Variants in TSNARE1 observed in about 807,000 individuals in gnomAD.
TSNARE1 encodes t-SNARE domain-containing protein 1.
A neutral mutation model predicts 62.0 loss-of-function variants in TSNARE1; 49 were observed. That is an observed-to-expected ratio of 0.79 (90% CI 0.63 to 1.00). The LOEUF (loss-of-function observed/expected upper bound fraction) is 1.00, where lower values mean the gene tolerates loss of function less well. Among genes scored for constraint, TSNARE1 ranks in the 50% least tolerant of loss-of-function variants. The pLI is 0.00. For missense variants in TSNARE1, 755 were observed against 700.1 expected (o/e 1.08, Z -0.88); for synonymous variants, 328 against 294.4 (o/e 1.11, Z -1.17).
intron 12 of TSNARE1, among the ~76,000 whole-genome samples, chr8:142,246,195 G>A (rs1817878022): frequency 6.6e-6 from 1 of 152,094 alleles, no homozygotes; most frequent in South Asian, 2.1e-4. Context: ...GCCAGCCCTG[G>A]GAGGGCAGAG....
intron 1 of TSNARE1, among the ~76,000 whole-genome samples, chr8:142,393,814 C>G (rs1837712454): frequency 6.6e-6 from 1 of 152,200 alleles, no homozygotes; most frequent in Admixed American, 6.5e-5. Context: ...AGCTGCCTGG[C>G]TACGTGCTGG....
chr8:142,332,141 C>G (rs1831145648), intron 4 of TSNARE1, among the ~76,000 whole-genome samples: 1 of 152,236 alleles, frequency 6.6e-6, no homozygotes, highest in African/African-American at 2.4e-5. Context: ...CTACGAGCAC[C>G]TGCACGTGGA....
intron 1 of TSNARE1, among the ~76,000 whole-genome samples, chr8:142,396,395 G>A (rs1310774033): frequency 1.3e-5 from 2 of 151,998 alleles, no homozygotes; most frequent in Non-Finnish European, 1.5e-5. Context: ...CTTGAGCTCC[G>A]CCCACCTCCC....
Position 142,239,284 on chromosome 8 carries a change from C to T in TSNARE1, c.1447-9705G>A, listed in dbSNP as rs111716736. ...CCTCCTTTCTGCAGAAGAAGGTGGCCGGGGGCAGCCACGCCCTTTCCACAA... is the reference window on the plus strand; with the variant it reads ...CCTCCTTTCTGCAGAAGAAGGTGGCTGGGGGCAGCCACGCCCTTTCCACAA... On this transcript the variant is annotated intron_variant, in intron 12 of 13. Transcript: ENST00000524325. Among the ~76,000 whole-genome samples, 427 of 152,260 alleles carry T rather than the reference C, an allele frequency of 2.8e-3. 1 individual carries two copies. The highest frequency in any genetic ancestry group is 0.016 in the East Asian group (82 of 5,162).
intron 12 of TSNARE1, chr8:142,271,302 G>A (rs968568552): frequency 4.5e-5 from 49 of 1,097,132 alleles, no homozygotes; most frequent in Non-Finnish European, 5.0e-5. Flanking sequence ...TCGGCCAGAC[G>A]CTGGCTCTGC....
At chr8:142,220,390 T>G (rs1157701909) in intron 13 of TSNARE1, among the ~76,000 whole-genome samples, 2 of 152,078 alleles carry the variant, frequency 1.3e-5, no homozygotes, top group African/African-American at 4.8e-5. Context: ...GCGGTGGTCC[T>G]CAGGGCAAAC....
intron 12 of TSNARE1, among the ~76,000 whole-genome samples, chr8:142,251,478 G>A (rs1463135090): frequency 6.6e-6 from 1 of 152,152 alleles, no homozygotes; most frequent in African/African-American, 2.4e-5. Flanking sequence ...GGGCCCACGA[G>A]CAGCTCAGGG....
intron 10 of TSNARE1, among the ~76,000 whole-genome samples, chr8:142,299,750 A>G (rs1342706655): frequency 6.6e-6 from 1 of 151,572 alleles, no homozygotes. Context: ...GCACACACAC[A>G]TGCATACGTG....
At chr8:142,335,084 GTCA>G (rs1400856541) in intron 4 of TSNARE1, among the ~76,000 whole-genome samples, 6 of 152,332 alleles carry the variant, frequency 3.9e-5, no homozygotes, top group African/African-American at 1.4e-4. Flanking sequence ...ATGTGCCGGG[GTCA>G]TCATGTGTTA....
chr8:142,296,354 ACTCATGGGGGAAG>A, intron 10 of TSNARE1, among the ~76,000 whole-genome samples: 2 of 61,406 alleles, frequency 3.3e-5, no homozygotes, highest in African/African-American at 1.5e-4. Context: ...GGCGGTGGTC[ACTCATGGGGGAAG>A]GGTGGTCACT....
chr8:142,275,027 C>T (rs1249398795), intron 11 of TSNARE1, 164 bp from the exon 12 acceptor site: 63 of 985,292 alleles, frequency 6.4e-5, no homozygotes, highest in Non-Finnish European at 7.2e-5. Flanking sequence ...GAGGGCTCCG[C>T]GTGGTGTGGG....
chr8:142,217,403 C>A (rs767240120), intron 13 of TSNARE1, among the ~76,000 whole-genome samples: 1 of 151,820 alleles, frequency 6.6e-6, no homozygotes, highest in Non-Finnish European at 1.5e-5. Context: ...AGCAAGCAAG[C>A]AACGGCGTAA....
chr8:142,278,656 AGCTGCGGGCT>A (rs1183695002), intron 11 of TSNARE1: 1 of 985,338 alleles, frequency 1.0e-6, no homozygotes, highest in African/African-American at 1.7e-5. Context: ...AGCCAGTGGC[AGCTGCGGGCT>A]GCAGACGAGG....
intron 12 of TSNARE1, among the ~76,000 whole-genome samples, chr8:142,253,780 C>G (rs1270708059): frequency 6.6e-6 from 1 of 152,230 alleles, no homozygotes; most frequent in Non-Finnish European, 1.5e-5. Flanking sequence ...TCAGTGGGAA[C>G]GCGTAGCCAG....
intron 12 of TSNARE1, among the ~76,000 whole-genome samples, chr8:142,255,482 C>T (rs1431303336): frequency 0.1 from 1,837 of 17,530 alleles, 460 homozygotes; most frequent in Admixed American, 0.18. Context: ...ACCACCATCA[C>T]CATCATCATC....
In TSNARE1 at chr8:142,317,081, G is replaced by T. The variant is rs530422717; in HGVS notation, c.984+1463C>A. Among the ~76,000 whole-genome samples the T allele has an allele frequency of 4.6e-5, 7 of 151,930 alleles. No individual in the cohort carries two copies. In the South Asian group the frequency reaches 1.2e-3, roughly 27 times the overall value. On this transcript the variant is annotated intron_variant, in intron 7 of 13. Transcript: ENST00000524325. ...AGCTCACACTGCACACATGAAGCGGGTATGGCCAGCGGCTCACACTGCACG... is the reference window on the plus strand; with the variant it reads ...AGCTCACACTGCACACATGAAGCGGTTATGGCCAGCGGCTCACACTGCACG...
intron 1 of TSNARE1, among the ~76,000 whole-genome samples, chr8:142,400,443 CA>C (rs887161234): frequency 1.4e-5 from 2 of 142,896 alleles, no homozygotes; most frequent in Non-Finnish European, 3.1e-5. Context: ...GGAAGCTTCT[CA>C]AAAAAAATTA....
intron 2 of TSNARE1, 35 bp from the exon 3 acceptor site, chr8:142,345,927 A>T: frequency 1.3e-6 from 2 of 1,589,818 alleles, no homozygotes; most frequent in Non-Finnish European, 1.7e-6. Flanking sequence ...GATTACTCTC[A>T]GCTCAGGGCG....
At position 142,286,709 on chromosome 8, in the gene TSNARE1, C is replaced by T. The variant is rs117894440; in HGVS notation, c.1291-2224G>A. ...CATCCTACAATGGGGACATCAAGGTCACGAAGTATGGCTCAGCCAGGTGGG... is the reference window on the plus strand; with the variant it reads ...CATCCTACAATGGGGACATCAAGGTTACGAAGTATGGCTCAGCCAGGTGGG... On this transcript the variant is annotated intron_variant, in intron 10 of 13. Coordinates refer to ENST00000524325, the MANE Select transcript of TSNARE1 (RefSeq NM_145003.5). Among the ~76,000 whole-genome samples, 50 of 152,326 alleles carry T rather than the reference C, an allele frequency of 3.3e-4. No homozygotes were observed. The East Asian group carries it at 9.7e-3, about 29-fold the overall frequency.
Sources: allele counts gnomAD v4.1 joint callset (sites outside exome capture counted in the v4.1 genomes callset), GRCh38; gene constraint gnomAD v4.1.1; transcripts MANE v1.5; gene names NCBI Gene and HGNC (gene_info 2026-07-23, HGNC 2026-07-21).